The following TAF1 variants were observed in gnomAD, a reference collection of about 807,000 sequenced individuals.
TAF1 encodes the protein transcription initiation factor TFIID subunit 1.
In TAF1, 2 loss-of-function variants were observed where a neutral mutation model predicts 138.5. The observed-to-expected ratio is 0.01, with a 90% CI of 0.01 to 0.05. TAF1 has a LOEUF of 0.05. Among genes scored for constraint, TAF1 ranks in the 10% least tolerant of loss-of-function variants. TAF1 has a pLI of 1.00. For missense variants in TAF1, 709 were observed against 1,478.0 expected (o/e 0.48, Z 8.53); for synonymous variants, 437 against 503.2 (o/e 0.87, Z 1.76).
chrX:71,431,114 A>G (rs1231806655), intron 32 of TAF1, among the ~76,000 whole-genome samples: 1 of 101,681 alleles, frequency 9.8e-6, no homozygotes, highest in Non-Finnish European at 2.0e-5. Context: ...GCCCAGGTTC[A>G]AGTGATTTGC....
intron 13 of TAF1, among the ~76,000 whole-genome samples, chrX:71,475,269 T>G (rs1458418419): frequency 9.0e-6 from 1 of 111,043 alleles, no homozygotes; most frequent in Non-Finnish European, 1.9e-5. Context: ...AGACCCAATG[T>G]TCAATGGGAG....
intron 13 of TAF1, among the ~76,000 whole-genome samples, chrX:71,511,798 T>C (rs1315561056): frequency 9.1e-6 from 1 of 110,122 alleles, no homozygotes; most frequent in African/African-American, 3.3e-5. Flanking sequence ...GGTGGATTGC[T>C]TGAGCTCAGG....
intron 1 of TAF1, 29 bp downstream of exon 1, chrX:71,366,523 C>CGGG: frequency 7.8e-6 from 1 of 127,789 alleles, no homozygotes; most frequent in Non-Finnish European, 1.2e-5. Flanking sequence ...GGGTAGGGCT[C>CGGG]GGGGGGTGGG....
intron 22 of TAF1, among the ~76,000 whole-genome samples, chrX:71,394,856 C>T (rs750257330): frequency 4.5e-5 from 5 of 110,969 alleles, no homozygotes; most frequent in African/African-American, 6.5e-5. Flanking sequence ...ACTATAGGTG[C>T]GTGCCACCAT....
chrX:71,462,170 A>G (rs1229530839), intron 37 of TAF1, among the ~76,000 whole-genome samples: 1 of 112,165 alleles, frequency 8.9e-6, no homozygotes, highest in Non-Finnish European at 1.9e-5. Context: ...TTGAATGAGA[A>G]TAGTATGACC....
chrX:71,468,222 A>G (rs1423351541), downstream of TAF1, among the ~76,000 whole-genome samples: 1 of 109,190 alleles, frequency 9.2e-6, no homozygotes, highest in Non-Finnish European at 1.9e-5. Context: ...GTGCCACTGC[A>G]CTCCAGCCTG....
intron 32 of TAF1, among the ~76,000 whole-genome samples, chrX:71,428,156 C>T (rs2036693526): frequency 9.4e-6 from 1 of 106,067 alleles, no homozygotes; most frequent in African/African-American, 3.4e-5. Flanking sequence ...GCTGAGATTA[C>T]AGGCTCCCGC....
chrX:71,367,926 C>T (rs2032684083), intron 2 of TAF1, 128 bp from the exon 3 acceptor site: 1 of 741,250 alleles, frequency 1.3e-6, no homozygotes. Flanking sequence ...CTGGCTTGGC[C>T]TTCCAAAGTG....
intron 13 of TAF1, among the ~76,000 whole-genome samples, chrX:71,503,302 A>G (rs866612237): frequency 1.1e-5 from 1 of 94,418 alleles, no homozygotes; most frequent in Non-Finnish European, 2.0e-5. Context: ...ATATGTGTAT[A>G]TATATATATA....
rs965955442 is a variant in TAF1 at position 71,383,954 on chromosome X, C to T, written c.1948-8C>T. 1 of 1,208,192 alleles carries T rather than the reference C, an allele frequency of 8.3e-7. No individual in the cohort carries two copies. Among genetic ancestry groups the T allele is most frequent in the African/African-American group, 1.7e-5 (1 of 57,575 alleles). On this transcript the variant is annotated splice_polypyrimidine_tract_variant and splice_region_variant and intron_variant, in intron 12 of 37. Coordinates refer to ENST00000423759, the MANE Select transcript of TAF1 (RefSeq NM_004606.5). Reference sequence around the variant, plus strand: ...GGAGCTAGATGGTATTTTCTTTGTTCTGGACAGATGAGAGAACAAGAGAGG... The same window carrying T: ...GGAGCTAGATGGTATTTTCTTTGTTTTGGACAGATGAGAGAACAAGAGAGG...
chrX:71,516,321 C>T (rs1292186662), intron 13 of TAF1, among the ~76,000 whole-genome samples: 3 of 106,254 alleles, frequency 2.8e-5, no homozygotes, highest in African/African-American at 1.0e-4. Context: ...ATCTGCCAGC[C>T]TCGGCCTCCG....
intron 32 of TAF1, among the ~76,000 whole-genome samples, chrX:71,452,932 G>A (rs1300921221): frequency 1.8e-5 from 2 of 112,077 alleles, no homozygotes; most frequent in African/African-American, 6.5e-5. Context: ...GTGGTGGCGC[G>A]CGCCTGCAAT....
intron 13 of TAF1, among the ~76,000 whole-genome samples, chrX:71,509,626 C>A (rs1308576553): frequency 9.0e-6 from 1 of 110,643 alleles, no homozygotes; most frequent in Non-Finnish European, 1.9e-5. Flanking sequence ...TCATTTCAGC[C>A]CAAGAGTTCG....
intron 13 of TAF1, among the ~76,000 whole-genome samples, chrX:71,500,937 G>A (rs781656761): frequency 3.7e-5 from 4 of 109,102 alleles, no homozygotes; most frequent in African/African-American, 1.0e-4. Context: ...GGTGGCAGGC[G>A]CCTTAATCCC....
chrX:71,513,528 G>A (rs2039769400), intron 13 of TAF1, among the ~76,000 whole-genome samples: 1 of 110,993 alleles, frequency 9.0e-6, no homozygotes, highest in Non-Finnish European at 1.9e-5. Flanking sequence ...TGGTAGACAG[G>A]GATGAAAGGG....
chrX:71,412,638 A>C, intron 28 of TAF1, among the ~76,000 whole-genome samples: 2 of 112,109 alleles, frequency 1.8e-5, no homozygotes, highest in Middle Eastern at 9.2e-3. Context: ...CCCAGGCCGG[A>C]GTGCAGTGGC....
At chrX:71,473,133 G>T in intron 13 of TAF1, among the ~76,000 whole-genome samples, 1 of 112,154 alleles carries the variant, frequency 8.9e-6, no homozygotes, top group Admixed American at 9.5e-5. Context: ...GTCACAGGTA[G>T]TCAGATAGAC....
chrX:71,481,259 A>T lies in TAF1; in HGVS notation c.1366+20456A>T, dbSNP rs777741706. Among the ~76,000 whole-genome samples the T allele has an allele frequency of 2.2e-4, 25 of 112,219 alleles. No individual in the cohort carries two copies. The Admixed American group carries it at 2.4e-3, about 11-fold the overall frequency. ...GTGCCATTGCACTCCAGCCTGGGCAACAAGAGTGAAACTCCATCTCTCACA... is the reference window on the plus strand; with the variant it reads ...GTGCCATTGCACTCCAGCCTGGGCATCAAGAGTGAAACTCCATCTCTCACA... On this transcript the variant is annotated intron_variant and NMD_transcript_variant, in intron 13 of 14. Coordinates refer to the TAF1 transcript ENST00000373775.
intron 4 of TAF1, among the ~76,000 whole-genome samples, chrX:71,375,817 T>G (rs1324360228): frequency 1.8e-5 from 2 of 112,484 alleles, no homozygotes; most frequent in Non-Finnish European, 3.8e-5. Flanking sequence ...TCCAAAGTGC[T>G]GGGATTACAG....
Sources: gnomAD v4.1 joint callset for allele counts (sites outside exome capture counted in the v4.1 genomes callset) on GRCh38, gnomAD v4.1.1 for gene constraint, MANE v1.5 for transcripts, NCBI Gene and HGNC (gene_info 2026-07-23, HGNC 2026-07-21) for gene names.